Variants in SUMF1 observed in about 807,000 individuals in gnomAD.
SUMF1 encodes the protein sulfatase modifying factor 1, also known as formylglycine-generating enzyme.
In SUMF1, 48 loss-of-function variants were observed where a neutral mutation model predicts 47.6. The observed-to-expected ratio is 1.01, with a 90% confidence interval of 0.80 to 1.28. The LOEUF (loss-of-function observed/expected upper bound fraction) is 1.28. Ranked by LOEUF, SUMF1 falls within the 50% of genes most tolerant of loss-of-function variation. The pLI, the probability that SUMF1 is intolerant of heterozygous loss-of-function variation, is 0.00. For synonymous variants in SUMF1, 230 were observed against 192.1 expected, an observed-to-expected ratio of 1.20 and a Z score of -1.63; for missense variants, 571 against 485.4, an observed-to-expected ratio of 1.18 and a Z score of -1.66.
At chr3:4,321,470 T>TAAAAA (rs1206478992) in intron 8 of SUMF1, among the ~76,000 whole-genome samples, 139 of 63,638 alleles carry the variant, frequency 2.2e-3, no homozygotes, top group African/African-American at 4.8e-3. Context: ...AAGGAAATGC[T>TAAAAA]AAAAAAAAAA....
At chr3:4,265,578 C>T (rs575295773) in intron 8 of SUMF1, among the ~76,000 whole-genome samples, 4 of 152,046 alleles carry the variant, frequency 2.6e-5, no homozygotes, top group East Asian at 1.9e-4. Flanking sequence ...ATTTTAAAAC[C>T]CCACAATTTC....
At chr3:4,292,451 A>G (rs1230845607) in intron 8 of SUMF1, among the ~76,000 whole-genome samples, 2 of 152,214 alleles carry the variant, frequency 1.3e-5, no homozygotes, top group Non-Finnish European at 2.9e-5. Context: ...GTGAGTCAGA[A>G]ATTTAAATTT....
At chr3:4,136,813 A>G (rs1693944264) in intron 8 of SUMF1, among the ~76,000 whole-genome samples, 1 of 151,898 alleles carries the variant, frequency 6.6e-6, no homozygotes, top group East Asian at 1.9e-4. Context: ...TGGGCAAAGG[A>G]TATGAACAGA....
chr3:4,452,950 A>AG lies in SUMF1; in HGVS notation c.369dup (p.Phe124LeufsTer7), dbSNP rs1559309554. 1 of 1,614,204 alleles carries AG rather than the reference A, an allele frequency of 6.2e-7. No individual in the cohort carries two copies. The highest frequency in any genetic ancestry group is 1.7e-5 in the Admixed American group (1 of 60,024). On this transcript the variant is annotated frameshift_variant, in exon 2 of 9. Coordinates refer to ENST00000272902, the MANE Select transcript of SUMF1 (RefSeq NM_182760.4). LOFTEE classifies it high-confidence loss of function. ...CTGACTTCATAGGCATCCATGTAAA[A>AG]GGCATCAATAGTAACTCTCCTCGCA...
intron 8 of SUMF1, among the ~76,000 whole-genome samples, chr3:4,118,637 CA>C (rs531055551): frequency 6.6e-6 from 1 of 152,112 alleles, no homozygotes; most frequent in South Asian, 2.1e-4. Flanking sequence ...ATAGTAACTA[CA>C]CTTATTGAAG....
intron 8 of SUMF1, among the ~76,000 whole-genome samples, chr3:4,120,786 G>C (rs1693523826): frequency 6.6e-6 from 1 of 152,126 alleles, no homozygotes; most frequent in Non-Finnish European, 1.5e-5. Flanking sequence ...CCCAACTTGA[G>C]GTGTCAGGAA....
chr3:4,108,806 GC>G (rs1231371107), intron 8 of SUMF1, among the ~76,000 whole-genome samples: 2 of 151,984 alleles, frequency 1.3e-5, no homozygotes, highest in Non-Finnish European at 2.9e-5. Context: ...TTTATTTTGA[GC>G]CTATGTGTGT....
Position 4,456,886 on chromosome 3 carries a change from GTA to G in SUMF1, c.271-3839_271-3838del, listed in dbSNP as rs779624144. Among the ~76,000 whole-genome samples the G allele has an allele frequency of 7.9e-4, 33 of 41,798 alleles. 2 individuals are homozygous for G. The highest frequency in any genetic ancestry group is 4.0e-3 in the East Asian group (6 of 1,502). The allele number at this position is 41,798 out of a possible 152,430, so 27.4% of individuals were successfully genotyped here. Reference sequence around the variant, plus strand: ...TGTGTGTGTATATCTATATGTGTGTGTATATATATGTGTGTGTATATCTATAT... The same window carrying G: ...TGTGTGTGTATATCTATATGTGTGTGTATATATGTGTGTGTATATCTATAT... On this transcript the variant is annotated intron_variant, in intron 1 of 8. Transcript: ENST00000272902.
intron 8 of SUMF1, among the ~76,000 whole-genome samples, chr3:4,178,352 T>C (rs1336274754): frequency 6.6e-6 from 1 of 152,148 alleles, no homozygotes; most frequent in Non-Finnish European, 1.5e-5. Flanking sequence ...CACAATCAAT[T>C]TGGCTTCATC....
chr3:4,177,807 GAAGAA>G (rs1477675063), intron 8 of SUMF1, among the ~76,000 whole-genome samples: 1 of 152,028 alleles, frequency 6.6e-6, no homozygotes, highest in Non-Finnish European at 1.5e-5. Context: ...GAATGATAAA[GAAGAA>G]AAGAGAGAAG....
rs1479633530 is a variant in SUMF1 at position 4,254,777 on chromosome 3, C to G, written c.1014+121553G>C. On this transcript the variant is annotated intron_variant and NMD_transcript_variant, in intron 8 of 12. Transcript: ENST00000448413. ...AAATACAGAGAACGCCACAAAGATACTCCTCGAGAAGAGCAACTCCAAGAC... is the reference window on the plus strand; with the variant it reads ...AAATACAGAGAACGCCACAAAGATAGTCCTCGAGAAGAGCAACTCCAAGAC... Among the ~76,000 whole-genome samples, 13 of 149,276 alleles carry G rather than the reference C, an allele frequency of 8.7e-5. No homozygotes were observed. In the East Asian group the frequency reaches 2.6e-3, roughly 29 times the overall value.
intron 7 of SUMF1, among the ~76,000 whole-genome samples, chr3:4,403,978 T>C (rs1417155291): frequency 6.6e-6 from 1 of 152,204 alleles, no homozygotes; most frequent in Admixed American, 6.5e-5. Flanking sequence ...CATTTTGTCC[T>C]GAAGTGGAAA....
chr3:4,303,743 A>T (rs1698055760), intron 8 of SUMF1: 7 of 1,489,792 alleles, frequency 4.7e-6, no homozygotes, highest in Non-Finnish European at 6.3e-6. Flanking sequence ...TTTTCAGTCC[A>T]TTCCCTGAAG....
intron 8 of SUMF1, among the ~76,000 whole-genome samples, chr3:4,127,644 G>C (rs1254866998): frequency 6.6e-6 from 1 of 152,076 alleles, no homozygotes; most frequent in East Asian, 1.9e-4. Context: ...GTGGGACCTT[G>C]TGATTGTGTG....
At chr3:4,157,163 G>A (rs1694471458) in intron 8 of SUMF1, among the ~76,000 whole-genome samples, 1 of 151,340 alleles carries the variant, frequency 6.6e-6, no homozygotes, top group Non-Finnish European at 1.5e-5. Context: ...CTTATCACAG[G>A]GATAATTCAC....
At chr3:4,186,476 G>A (rs566750369) in intron 8 of SUMF1, among the ~76,000 whole-genome samples, 2 of 152,078 alleles carry the variant, frequency 1.3e-5, no homozygotes, top group East Asian at 3.9e-4. Flanking sequence ...TATGTTGCTT[G>A]GTAAGAAATA....
Position 4,429,524 on chromosome 3 carries a change from C to T in SUMF1, c.520-9378G>A, listed in dbSNP as rs955533749. On this transcript the variant is annotated intron_variant, in intron 3 of 8. Transcript: ENST00000272902. ...GGCATTTTAAGAACAGGAAATTCTC[C>T]CACACACGTTGTCTTGGAGGTAAAC... Among the ~76,000 whole-genome samples, 7 of 152,100 alleles carry T rather than the reference C, an allele frequency of 4.6e-5. No individual in the cohort carries two copies. The East Asian group carries it at 1.3e-3, about 29-fold the overall frequency.
intron 8 of SUMF1, among the ~76,000 whole-genome samples, chr3:4,217,182 C>T (rs1695943193): frequency 6.6e-6 from 1 of 151,814 alleles, no homozygotes; most frequent in African/African-American, 2.4e-5. Context: ...TACTATGCAG[C>T]CATAAAAAAG....
intron 8 of SUMF1, among the ~76,000 whole-genome samples, chr3:4,271,128 G>C (rs1416875658): frequency 6.6e-6 from 1 of 152,144 alleles, no homozygotes; most frequent in Non-Finnish European, 1.5e-5. Flanking sequence ...CTGATCGATT[G>C]TGCTAATACC....
Sources: allele counts gnomAD v4.1 joint callset (sites outside exome capture counted in the v4.1 genomes callset), GRCh38; gene constraint gnomAD v4.1.1; transcripts MANE v1.5; gene names NCBI Gene and HGNC (gene_info 2026-07-23, HGNC 2026-07-21).